PPM1E: variants seen among roughly 807,000 people sequenced by gnomAD.
PPM1E encodes protein phosphatase 1E.
PPM1E carries 20 observed loss-of-function variants against 65.9 expected under a neutral mutation model. The observed-to-expected ratio is 0.30, with a 90% CI of 0.21 to 0.44. PPM1E has a LOEUF of 0.44. PPM1E is among the 20% of genes least tolerant of loss of function. The pLI is 1.00. For synonymous variants in PPM1E, 352 were observed against 374.9 expected (o/e 0.94, Z 0.70); for missense variants, 713 against 953.1 (o/e 0.75, Z 3.32).
intron 1 of PPM1E, among the ~76,000 whole-genome samples, chr17:58,787,598 C>G (rs1025027002): frequency 1.3e-5 from 2 of 151,954 alleles, no homozygotes; most frequent in Non-Finnish European, 2.9e-5. Flanking sequence ...GAAGTTGTTT[C>G]ACTTATGAGT....
chr17:58,781,470 T>C (rs963543660), intron 1 of PPM1E, among the ~76,000 whole-genome samples: 1 of 152,012 alleles, frequency 6.6e-6, no homozygotes, highest in African/African-American at 2.4e-5. Flanking sequence ...GCAGTCTTCA[T>C]GGCCAACCAA....
chr17:58,850,267 C>T (rs2050813240), intron 1 of PPM1E, among the ~76,000 whole-genome samples: 1 of 152,086 alleles, frequency 6.6e-6, no homozygotes, highest in Admixed American at 6.6e-5. Flanking sequence ...GAGCATTTAG[C>T]CCATTTACAT....
chr17:58,791,319 T>C, intron 1 of PPM1E, among the ~76,000 whole-genome samples: 1 of 152,184 alleles, frequency 6.6e-6, no homozygotes, highest in Admixed American at 6.6e-5. Flanking sequence ...ATAATGGACA[T>C]GAACAGGAAT....
At chr17:58,932,814 CA>C (rs1415037438) in intron 1 of PPM1E, among the ~76,000 whole-genome samples, 1 of 152,024 alleles carries the variant, frequency 6.6e-6, no homozygotes, top group East Asian at 1.9e-4. Context: ...CCAGGAAAAA[CA>C]AAATACAGTC....
At chr17:58,782,771 A>G (rs2050063096) in intron 1 of PPM1E, among the ~76,000 whole-genome samples, 1 of 152,058 alleles carries the variant, frequency 6.6e-6, no homozygotes, top group Non-Finnish European at 1.5e-5. Context: ...TGACAAACAT[A>G]AGTGTGGCAG....
At chr17:58,908,162 A>G (rs757171205) in intron 1 of PPM1E, among the ~76,000 whole-genome samples, 1 of 151,552 alleles carries the variant, frequency 6.6e-6, no homozygotes, top group Non-Finnish European at 1.5e-5. Flanking sequence ...GCTCACTGCA[A>G]CCTCTACTTC....
chr17:58,982,573 A>T lies in PPM1E; in HGVS notation c.*1542A>T. The T allele has an allele frequency of 3.9e-6, 1 of 255,760 alleles. No homozygotes were observed. The highest frequency in any genetic ancestry group is 6.6e-5 in the South Asian group (1 of 15,110). The allele number at this position is 255,760 out of a possible 1,614,324, so 15.8% of individuals were successfully genotyped here. ...GGACTAAAATCTCTGAATTTTAAAG[A>T]CACAGATGACTGGCATATTTTGGAT... On this transcript the variant is annotated 3_prime_UTR_variant, in exon 7 of 7. Transcript: ENST00000308249.
Position 58,982,367 on chromosome 17 carries a change from C to T in PPM1E, c.*1336C>T, listed in dbSNP as rs1183692989. On this transcript the variant is annotated 3_prime_UTR_variant, in exon 7 of 7. Transcript: ENST00000308249. ...ATTCAGTGAAGCAGCCTCTGATTCTCTAAGAGTCACGAATGTCTTAGTGTT... is the reference window on the plus strand; with the variant it reads ...ATTCAGTGAAGCAGCCTCTGATTCTTTAAGAGTCACGAATGTCTTAGTGTT... 6.6e-6 allele frequency: 1 copy of T among 152,354 alleles called. No homozygotes were observed. Among genetic ancestry groups the T allele is most frequent in the African/African-American group, 2.4e-5 (1 of 41,456 alleles). 9.4% of individuals were successfully genotyped at this position (152,354 alleles called of 1,614,324 possible). A position where few individuals can be genotyped will look rare whatever the true frequency, so the allele number is the denominator to read the frequency against.
chr17:58,805,985 C>CAAAAA (rs1217000216), intron 1 of PPM1E, among the ~76,000 whole-genome samples: 2 of 77,478 alleles, frequency 2.6e-5, no homozygotes, highest in Non-Finnish European at 4.7e-5. Context: ...AAAAAAAAAA[C>CAAAAA]AAAACAAAAC....
At chr17:58,915,702 TTAAG>T (rs1348954945) in intron 1 of PPM1E, among the ~76,000 whole-genome samples, 1 of 152,230 alleles carries the variant, frequency 6.6e-6, no homozygotes, top group African/African-American at 2.4e-5. Context: ...GCTGGCTATA[TTAAG>T]TGCCATTTTT....
chr17:58,771,104 C>T (rs1233149130), intron 1 of PPM1E, among the ~76,000 whole-genome samples: 1 of 151,818 alleles, frequency 6.6e-6, no homozygotes, highest in Non-Finnish European at 1.5e-5. Flanking sequence ...ATCTGCCCAC[C>T]TTGGCCTCCC....
intron 1 of PPM1E, among the ~76,000 whole-genome samples, chr17:58,813,327 C>A (rs2050387843): frequency 6.6e-6 from 1 of 152,164 alleles, no homozygotes; most frequent in African/African-American, 2.4e-5. Context: ...CTTGGAATTT[C>A]TCTTACTATT....
chr17:58,839,045 G>A (rs1398041287), intron 1 of PPM1E, among the ~76,000 whole-genome samples: 1 of 108,052 alleles, frequency 9.3e-6, no homozygotes, highest in Non-Finnish European at 2.0e-5. Flanking sequence ...AATAGGTGAA[G>A]CAGAGTGGTA....
intron 1 of PPM1E, among the ~76,000 whole-genome samples, chr17:58,849,896 A>T (rs138176163): frequency 0.011 from 1,628 of 152,210 alleles, 29 homozygotes; most frequent in African/African-American, 0.037. Context: ...AAAGTCTCTC[A>T]TTATTGTGTG....
At chr17:58,913,350 A>C (rs192183970) in intron 1 of PPM1E, among the ~76,000 whole-genome samples, 12 of 152,278 alleles carry the variant, frequency 7.9e-5, no homozygotes, top group Admixed American at 7.9e-4. Context: ...CAAGGTAATA[A>C]GTGAGTTTAT....
At chr17:58,937,727 A>G (rs1300725840) in intron 1 of PPM1E, among the ~76,000 whole-genome samples, 2 of 150,360 alleles carry the variant, frequency 1.3e-5, no homozygotes. Flanking sequence ...GTAAACTACA[A>G]AAATTAGCTG....
chr17:58,955,610 T>C (rs1207680598), intron 1 of PPM1E, 39 bp from the exon 2 acceptor site: 1 of 1,606,088 alleles, frequency 6.2e-7, no homozygotes, highest in East Asian at 2.2e-5. Flanking sequence ...ACTTTCTAAT[T>C]CTTTTGCTGA....
chr17:58,755,976 C>T lies in PPM1E; in HGVS notation c.-22C>T. Reference sequence around the variant, plus strand: ...GGCTTCCCCCAACCCCTTTCCCGGTCTGCCCTGGGGCATGAGCAGCGATGG... The same window carrying T: ...GGCTTCCCCCAACCCCTTTCCCGGTTTGCCCTGGGGCATGAGCAGCGATGG... On this transcript the variant is annotated 5_prime_UTR_variant, in exon 1 of 7. Coordinates refer to ENST00000308249, the MANE Select transcript of PPM1E (RefSeq NM_014906.5). 1.2e-6 allele frequency: 2 copies of T among 1,613,726 alleles called. No individual in the cohort carries two copies. Among genetic ancestry groups the T allele is most frequent in the South Asian group, 1.1e-5 (1 of 91,022 alleles).
chr17:58,848,837 C>T (rs1448044703), intron 1 of PPM1E, among the ~76,000 whole-genome samples: 3 of 152,192 alleles, frequency 2.0e-5, no homozygotes, highest in Admixed American at 1.3e-4. Flanking sequence ...GGAATAGTTT[C>T]AGAAGGAATG....
Sources: gnomAD v4.1 joint callset for allele counts (sites outside exome capture counted in the v4.1 genomes callset) on GRCh38, gnomAD v4.1.1 for gene constraint, MANE v1.5 for transcripts, NCBI Gene and HGNC (gene_info 2026-07-23, HGNC 2026-07-21) for gene names.